NRXN3: variants seen among roughly 807,000 people sequenced by gnomAD.
NRXN3 encodes the protein neurexin 3.
Under a neutral mutation model 137.6 loss-of-function variants are expected in NRXN3, and 32 were observed. That is an observed-to-expected ratio of 0.23 (90% CI 0.18 to 0.31). The LOEUF is 0.31. NRXN3 is among the 10% of genes least tolerant of loss of function. The pLI, the probability that NRXN3 is intolerant of heterozygous loss-of-function variation, is 1.00. For synonymous variants in NRXN3, 798 were observed against 784.5 expected (o/e 1.02, Z -0.29); for missense variants, 1,574 against 2,062.5 (o/e 0.76, Z 4.59).
chr14:78,258,374 A>T (rs1264545637), intron 2 of NRXN3, among the ~76,000 whole-genome samples: 3 of 151,120 alleles, frequency 2.0e-5, no homozygotes, highest in African/African-American at 7.3e-5. Flanking sequence ...CCTTCCTTGC[A>T]GATCCTATAG....
intron 4 of NRXN3, among the ~76,000 whole-genome samples, chr14:78,356,032 C>T (rs1271768885): frequency 6.6e-6 from 1 of 152,218 alleles, no homozygotes; most frequent in Non-Finnish European, 1.5e-5. Context: ...GGCGAAAAAT[C>T]TTAACTTAGT....
Position 79,466,142 on chromosome 14 carries a change from A to G in NRXN3, c.3263-1079A>G, listed in dbSNP as rs138753447. ...AACCCACTAATCATAATTGACAACT[A>G]CCACTTGTCATGTTCAAATCTCATT... On this transcript the variant is annotated intron_variant, in intron 15 of 20. Coordinates refer to ENST00000335750, the MANE Select transcript of NRXN3 (RefSeq NM_001330195.2). Among the ~76,000 whole-genome samples the G allele has an allele frequency of 1.8e-4, 27 of 152,220 alleles. 1 individual carries two copies. The highest frequency in any genetic ancestry group is 6.3e-4 in the African/African-American group (26 of 41,528).
intron 15 of NRXN3, among the ~76,000 whole-genome samples, chr14:79,361,586 G>A (rs2093683082): frequency 6.6e-6 from 1 of 152,086 alleles, no homozygotes; most frequent in South Asian, 2.1e-4. Flanking sequence ...GTGTGTTGGT[G>A]CATGCCTGTA....
intron 15 of NRXN3, among the ~76,000 whole-genome samples, chr14:79,439,226 A>T (rs532514679): frequency 6.6e-6 from 1 of 152,378 alleles, no homozygotes; most frequent in East Asian, 1.9e-4. Context: ...TTCAATTGAC[A>T]TTGTACTTAC....
intron 1 of NRXN3, among the ~76,000 whole-genome samples, chr14:78,188,905 C>T (rs548354878): frequency 1.4e-3 from 215 of 152,262 alleles, no homozygotes; most frequent in African/African-American, 4.8e-3. Flanking sequence ...TCGCCAGACT[C>T]ACTTTGTGTA....
intron 15 of NRXN3, among the ~76,000 whole-genome samples, chr14:79,459,449 C>T (rs976543237): frequency 6.6e-6 from 1 of 151,834 alleles, no homozygotes; most frequent in Non-Finnish European, 1.5e-5. Flanking sequence ...TAGATTGGTA[C>T]AAAGGGAAAA....
intron 4 of NRXN3, among the ~76,000 whole-genome samples, chr14:78,632,011 G>C (rs1292477828): frequency 6.6e-6 from 1 of 151,738 alleles, no homozygotes; most frequent in Non-Finnish European, 1.5e-5. Flanking sequence ...CTTCTCAGGC[G>C]GCTGAGGCAG....
intron 4 of NRXN3, among the ~76,000 whole-genome samples, chr14:78,375,680 AG>A (rs1051342950): frequency 7.2e-5 from 11 of 152,228 alleles, no homozygotes; most frequent in African/African-American, 2.7e-4. Context: ...ATGAATGTAT[AG>A]AAAGTGTTGG....
chr14:78,294,293 G>C (rs1004703194), intron 3 of NRXN3, among the ~76,000 whole-genome samples: 1 of 152,124 alleles, frequency 6.6e-6, no homozygotes, highest in African/African-American at 2.4e-5. Context: ...GGTGGCTTAT[G>C]CCTGTAATCC....
intron 15 of NRXN3, among the ~76,000 whole-genome samples, chr14:79,165,822 C>G (rs2061234123): frequency 6.6e-6 from 1 of 152,028 alleles, no homozygotes; most frequent in African/African-American, 2.4e-5. Flanking sequence ...CACCTTCCCT[C>G]CTGACCATAA....
chr14:79,480,007 C>T lies in NRXN3; in HGVS notation c.3444+12605C>T, dbSNP rs535591238. Among the ~76,000 whole-genome samples the T allele has an allele frequency of 7.2e-5, 11 of 152,236 alleles. No homozygotes were observed. In the East Asian group the frequency reaches 1.3e-3, roughly 19 times the overall value. On this transcript the variant is annotated intron_variant, in intron 16 of 20. Coordinates refer to ENST00000335750, the MANE Select transcript of NRXN3 (RefSeq NM_001330195.2). ...GTCCTCAAATACTCTTGATTAAAAA[C>T]GCTAAATGATCTCAAATAACACAAA...
chr14:78,597,418 A>T (rs2097166401), intron 4 of NRXN3, among the ~76,000 whole-genome samples: 3 of 152,188 alleles, frequency 2.0e-5, no homozygotes, highest in Non-Finnish European at 4.4e-5. Flanking sequence ...GATTACAAAA[A>T]CTGAAGAATC....
chr14:78,285,501 A>C (rs993927718), intron 3 of NRXN3, among the ~76,000 whole-genome samples: 9 of 152,122 alleles, frequency 5.9e-5, no homozygotes, highest in Non-Finnish European at 1.0e-4. Context: ...CAACCCAGTA[A>C]AAAGTAGTGG....
chr14:78,555,429 T>C (rs1431086937), intron 4 of NRXN3, among the ~76,000 whole-genome samples: 5 of 152,332 alleles, frequency 3.3e-5, no homozygotes, highest in South Asian at 4.1e-4. Flanking sequence ...TTTAATTGTT[T>C]GTTTATTTGT....
At chr14:79,807,165 G>A (rs1054960257) in intron 20 of NRXN3, among the ~76,000 whole-genome samples, 5 of 150,796 alleles carry the variant, frequency 3.3e-5, no homozygotes, top group Admixed American at 6.6e-5. Context: ...GTACAAATGC[G>A]GTTCTCACCA....
At chr14:78,487,435 A>T (rs1004871359) in intron 4 of NRXN3, among the ~76,000 whole-genome samples, 2 of 152,162 alleles carry the variant, frequency 1.3e-5, no homozygotes, top group East Asian at 3.9e-4. Context: ...ATTTTTGTCC[A>T]TTTTGCCTCA....
chr14:79,156,198 T>C lies in NRXN3; in HGVS notation c.3262+168057T>C, dbSNP rs57340502. Among the ~76,000 whole-genome samples the C allele has an allele frequency of 6.8e-3, 1,039 of 151,928 alleles. 11 individuals are homozygous for C. The highest frequency in any genetic ancestry group is 0.023 in the African/African-American group (969 of 41,510). ...CCTCACAACTGCTCCATAAAGTAAA[T>C]GCTATTAGAGTAACCGTTTTACAGA... On this transcript the variant is annotated intron_variant, in intron 15 of 20. Coordinates refer to ENST00000335750, the MANE Select transcript of NRXN3 (RefSeq NM_001330195.2).
intron 15 of NRXN3, among the ~76,000 whole-genome samples, chr14:79,291,834 C>A (rs900096989): frequency 2.0e-5 from 3 of 151,528 alleles, no homozygotes; most frequent in African/African-American, 7.3e-5. Flanking sequence ...GAATACTGGG[C>A]CATTTTTAAA....
intron 15 of NRXN3, among the ~76,000 whole-genome samples, chr14:79,321,007 T>C (rs1242230767): frequency 6.6e-6 from 1 of 152,218 alleles, no homozygotes; most frequent in East Asian, 1.9e-4. Flanking sequence ...TGTATCAAAC[T>C]ATCACATCTG....
Sources: allele counts gnomAD v4.1 joint callset (sites outside exome capture counted in the v4.1 genomes callset), GRCh38; gene constraint gnomAD v4.1.1; transcripts MANE v1.5; gene names NCBI Gene and HGNC (gene_info 2026-07-23, HGNC 2026-07-21).